CPNE5: variants seen among roughly 807,000 people sequenced by gnomAD.
CPNE5 encodes copine-5.
A neutral mutation model predicts 81.1 loss-of-function variants in CPNE5; 42 were observed. The ratio of observed to expected loss-of-function variants is 0.52; its 90% confidence interval spans 0.40 to 0.67. The LOEUF is 0.67. Among genes scored for constraint, CPNE5 ranks in the 30% least tolerant of loss-of-function variants. The pLI is 0.00. For missense variants in CPNE5, 612 were observed against 815.5 expected (o/e 0.75, Z 3.04); for synonymous variants, 313 against 321.5 (o/e 0.97, Z 0.28).
intron 2 of CPNE5, among the ~76,000 whole-genome samples, chr6:36,822,627 T>C (rs1466083910): frequency 6.6e-6 from 1 of 152,036 alleles, no homozygotes; most frequent in Non-Finnish European, 1.5e-5. Flanking sequence ...GGCCTCTGAT[T>C]ATCATCAGCC....
chr6:36,783,200 A>G (rs1441990008), intron 8 of CPNE5, among the ~76,000 whole-genome samples: 1 of 152,112 alleles, frequency 6.6e-6, no homozygotes, highest in African/African-American at 2.4e-5. Context: ...GAGGGGAACA[A>G]CACACACTGG....
Position 36,767,081 on chromosome 6 carries a change from C to T in CPNE5, c.738-1705G>A, listed in dbSNP as rs28756331. Among the ~76,000 whole-genome samples the T allele has an allele frequency of 7.4e-3, 1,128 of 152,314 alleles. 5 individuals are homozygous for T. Among genetic ancestry groups the T allele is most frequent in the Middle Eastern group, 0.024 (7 of 294 alleles). On this transcript the variant is annotated intron_variant, in intron 10 of 20. Transcript: ENST00000244751. ...ATGTTGGCCAGGCTGGCCTCGAACTCCTGACCTCAAGTGATCCACCCGTCT... is the reference window on the plus strand; with the variant it reads ...ATGTTGGCCAGGCTGGCCTCGAACTTCTGACCTCAAGTGATCCACCCGTCT...
intron 3 of CPNE5, among the ~76,000 whole-genome samples, chr6:36,809,801 C>T (rs554894987): frequency 7.2e-5 from 11 of 151,890 alleles, no homozygotes; most frequent in Admixed American, 1.3e-4. Context: ...GGGCTCCCAG[C>T]GCTGAGTGGA....
At chr6:36,814,206 A>C (rs557857734) in intron 3 of CPNE5, among the ~76,000 whole-genome samples, 1 of 152,278 alleles carries the variant, frequency 6.6e-6, no homozygotes, top group African/African-American at 2.4e-5. Flanking sequence ...AACTGAAGTC[A>C]ATCTGGGAAA....
At chr6:36,765,134 G>A (rs1265582343) in intron 11 of CPNE5, among the ~76,000 whole-genome samples, 3 of 152,148 alleles carry the variant, frequency 2.0e-5, no homozygotes, top group Non-Finnish European at 4.4e-5. Flanking sequence ...GTGCTTTGGT[G>A]CCTCCGTGGA....
chr6:36,791,432 T>C (rs1473688196), intron 8 of CPNE5, among the ~76,000 whole-genome samples: 2 of 152,200 alleles, frequency 1.3e-5, no homozygotes, highest in Non-Finnish European at 2.9e-5. Flanking sequence ...TGATACTTTA[T>C]CATTATTATT....
rs2150642477 is a variant in CPNE5, at chr6:36,839,204, T to G, written c.95+79A>C. 8.7e-6 allele frequency: 9 copies of G among 1,036,704 alleles called. No individual in the cohort carries two copies. Among genetic ancestry groups the G allele is most frequent in the East Asian group, 2.9e-5 (1 of 34,116 alleles). The allele number at this position is 1,036,704 out of a possible 1,614,324, so 64.2% of individuals were successfully genotyped here. A position where few individuals can be genotyped will look rare whatever the true frequency, so the allele number is the denominator to read the frequency against. ...ACTCTGGGAAGGGGGCGCGCGGAGG[T>G]TTAGGATCGAAGCGGCAGGGGCCGC... On this transcript the variant is annotated intron_variant, in intron 1 of 20. Transcript: ENST00000244751. The surrounding 1 kb of genome is among the most constrained non-coding windows in gnomAD (Gnocchi z 7.3).
At position 36,766,931 on chromosome 6, in the gene CPNE5, T is replaced by C. The variant is rs1272619904; in HGVS notation, c.738-1555A>G. On this transcript the variant is annotated intron_variant, in intron 10 of 20. Transcript: ENST00000244751. This position sits in a 1 kb window ranked among gnomAD's most constrained non-coding sequence, Gnocchi z 4.2. ...AGTGCAATGGCGTGATCTCGGCTCA[T>C]TGCAACCTCCGCCTCCGGATTCAAC... 1.3e-5 allele frequency among the ~76,000 whole-genome samples: 2 copies of C among 152,148 alleles called. No homozygotes were observed. Among genetic ancestry groups the C allele is most frequent in the African/African-American group, 4.8e-5 (2 of 41,418 alleles).
intron 10 of CPNE5, among the ~76,000 whole-genome samples, chr6:36,768,430 C>T (rs532411275): frequency 6.6e-6 from 1 of 151,930 alleles, no homozygotes; most frequent in Admixed American, 6.6e-5. Flanking sequence ...CGGGGTTTCA[C>T]CATGGTGGCC....
intron 12 of CPNE5, among the ~76,000 whole-genome samples, chr6:36,756,580 C>A (rs1285010703): frequency 6.6e-6 from 1 of 152,176 alleles, no homozygotes; most frequent in Non-Finnish European, 1.5e-5. Context: ...ACACACGCAC[C>A]CTCCACCCAG....
At chr6:36,756,370 C>T in intron 12 of CPNE5, 72 bp from the exon 13 acceptor site, 1 of 1,315,552 alleles carries the variant, frequency 7.6e-7, no homozygotes. Flanking sequence ...GGCTTCCAAC[C>T]ACCCATGGGT....
chr6:36,750,093 C>T (rs1764640048), intron 14 of CPNE5, among the ~76,000 whole-genome samples: 1 of 152,180 alleles, frequency 6.6e-6, no homozygotes, highest in South Asian at 2.1e-4. Flanking sequence ...GAAAAAATGT[C>T]CACTGCCTTC....
Position 36,831,027 on chromosome 6 carries a change from T to C in CPNE5, c.96-7929A>G, listed in dbSNP as rs529303225. On this transcript the variant is annotated intron_variant, in intron 1 of 20. Coordinates refer to ENST00000244751, the MANE Select transcript of CPNE5 (RefSeq NM_020939.2). Reference sequence around the variant, plus strand: ...CTTCATCAGTCCCTTCTCTTCACGATGACCAGAATTCTTTTTATTTTATTT... The same window carrying C: ...CTTCATCAGTCCCTTCTCTTCACGACGACCAGAATTCTTTTTATTTTATTT... Among the ~76,000 whole-genome samples, 8 of 152,280 alleles carry C rather than the reference T, an allele frequency of 5.3e-5. No individual in the cohort carries two copies. The South Asian group carries it at 1.7e-3, about 32-fold the overall frequency.
intron 3 of CPNE5, among the ~76,000 whole-genome samples, chr6:36,821,684 G>A (rs769039886): frequency 4.6e-5 from 7 of 152,190 alleles, no homozygotes; most frequent in African/African-American, 7.2e-5. Flanking sequence ...GCAGAAGGGA[G>A]TCAACAAAGT....
Position 36,808,974 on chromosome 6 carries a change from AG to A in CPNE5, c.184-8905del, listed in dbSNP as rs370733839. ...GAGTTGATATAGTCACTATTCAGTAAGAGGCTTATGCTGTGAATGGAGGCTG... is the reference window on the plus strand; with the variant it reads ...GAGTTGATATAGTCACTATTCAGTAAAGGCTTATGCTGTGAATGGAGGCTG... On this transcript the variant is annotated intron_variant, in intron 3 of 20. Coordinates refer to ENST00000244751, the MANE Select transcript of CPNE5 (RefSeq NM_020939.2). Among the ~76,000 whole-genome samples the A allele has an allele frequency of 5.1e-4, 77 of 152,328 alleles. 1 individual carries two copies. In the East Asian group the frequency reaches 0.013, roughly 26 times the overall value.
In CPNE5 at chr6:36,753,109, G is replaced by A. The variant is rs748459771; in HGVS notation, c.910-14C>T. The A allele has an allele frequency of 4.3e-6, 7 of 1,611,820 alleles. No homozygotes were observed. The South Asian group carries it at 4.4e-5, about 10-fold the overall frequency. On this transcript the variant is annotated splice_polypyrimidine_tract_variant and intron_variant, in intron 13 of 20. Transcript: ENST00000244751. ...AAGCAGGGTGACCTTCAAAACAAAA[G>A]GGAGCTTGGTCAGTGGGGAGCCTGG...
intron 3 of CPNE5, among the ~76,000 whole-genome samples, chr6:36,808,396 G>A (rs1770792029): frequency 6.6e-6 from 1 of 152,038 alleles, no homozygotes; most frequent in East Asian, 1.9e-4. Flanking sequence ...TGCTCAACCT[G>A]CTTCCAGATT....
upstream of CPNE5, chr6:36,839,949 C>T (rs980986188): frequency 6.6e-6 from 1 of 151,594 alleles, no homozygotes; most frequent in African/African-American, 2.4e-5. This position sits in a 1 kb window ranked among gnomAD's most constrained non-coding sequence, Gnocchi z 7.3. Context: ...GCCACCTCCT[C>T]GGCTCGGGCT....
At chr6:36,803,407 T>C (rs987478323) in intron 3 of CPNE5, among the ~76,000 whole-genome samples, 1 of 152,210 alleles carries the variant, frequency 6.6e-6, no homozygotes, top group Non-Finnish European at 1.5e-5. Context: ...AATGATCTAC[T>C]GAGTCTATTT....
Sources: allele counts gnomAD v4.1 joint callset (sites outside exome capture counted in the v4.1 genomes callset), GRCh38; gene constraint gnomAD v4.1.1; non-coding constraint Gnocchi (gnomAD v3.1); transcripts MANE v1.5; gene names NCBI Gene and HGNC (gene_info 2026-07-23, HGNC 2026-07-21).